The following ARHGAP22 variants were observed in gnomAD, a reference collection of about 807,000 sequenced individuals.
ARHGAP22 encodes rho GTPase-activating protein 22.
Under a neutral mutation model 59.1 loss-of-function variants are expected in ARHGAP22, and 48 were observed. The observed-to-expected ratio is 0.81, with a 90% confidence interval of 0.64 to 1.03. The LOEUF is 1.03. Ranked by LOEUF, ARHGAP22 falls within the 50% of genes least tolerant of loss-of-function variation. The pLI, the probability that ARHGAP22 is intolerant of heterozygous loss-of-function variation, is 0.00. For synonymous variants in ARHGAP22, 445 were observed against 416.4 expected (o/e 1.07, Z -0.84); for missense variants, 1,015 against 958.7 (o/e 1.06, Z -0.78).
At chr10:48,430,115 A>T in the ARHGAP22 span, 1 of 152,232 alleles carries the variant, frequency 6.6e-6, no homozygotes, top group Non-Finnish European at 1.5e-5. Context: ...TGTTGTTGAG[A>T]TGGAGCCTTG....
intron 1 of ARHGAP22, among the ~76,000 whole-genome samples, chr10:48,589,606 C>T (rs1346820622): frequency 6.6e-6 from 1 of 152,216 alleles, no homozygotes; most frequent in Non-Finnish European, 1.5e-5. Context: ...GCAGACTTAA[C>T]AGCTTGGACT....
chr10:48,475,363 G>A (rs925352433), intron 4 of ARHGAP22, among the ~76,000 whole-genome samples: 10 of 152,124 alleles, frequency 6.6e-5, no homozygotes, highest in Non-Finnish European at 5.9e-5. Context: ...TCTATGTGCT[G>A]ATGGCCCCCT....
chr10:48,505,841 A>C (rs983487497), intron 3 of ARHGAP22, among the ~76,000 whole-genome samples: 1 of 152,202 alleles, frequency 6.6e-6, no homozygotes, highest in Non-Finnish European at 1.5e-5. Context: ...GCTGCAGCCC[A>C]AGGGAAAGTG....
chr10:48,530,260 A>AAAAAAC (rs2054707723), intron 3 of ARHGAP22, among the ~76,000 whole-genome samples: 1 of 149,886 alleles, frequency 6.7e-6, no homozygotes, highest in Non-Finnish European at 1.5e-5. Flanking sequence ...AAAAAAAAAA[A>AAAAAAC]ATCAACTCAA....
chr10:48,502,027 T>C (rs995639899), intron 3 of ARHGAP22, among the ~76,000 whole-genome samples: 9 of 152,214 alleles, frequency 5.9e-5, no homozygotes, highest in African/African-American at 2.2e-4. Flanking sequence ...TTTATTTTCA[T>C]TGCTGAGAGA....
At chr10:48,569,721 C>T (rs2058279362) in intron 2 of ARHGAP22, among the ~76,000 whole-genome samples, 1 of 152,212 alleles carries the variant, frequency 6.6e-6, no homozygotes, top group Non-Finnish European at 1.5e-5. Flanking sequence ...CTCATTACTA[C>T]CGGTAACACT....
chr10:48,455,850 G>A (rs1035486012), intron 5 of ARHGAP22, among the ~76,000 whole-genome samples: 1 of 152,214 alleles, frequency 6.6e-6, no homozygotes, highest in Non-Finnish European at 1.5e-5. Flanking sequence ...GCAGGAGCAG[G>A]TCGGAGGTCA....
At chr10:48,471,936 C>T (rs1243298888) in intron 4 of ARHGAP22, among the ~76,000 whole-genome samples, 3 of 152,138 alleles carry the variant, frequency 2.0e-5, no homozygotes, top group Non-Finnish European at 2.9e-5. Context: ...GGGCCAGGTG[C>T]GGTGGCTCAC....
chr10:48,466,877 C>T (rs2133903074), intron 4 of ARHGAP22, among the ~76,000 whole-genome samples: 1 of 152,338 alleles, frequency 6.6e-6, no homozygotes, highest in Non-Finnish European at 1.5e-5. Flanking sequence ...AAACTTCACA[C>T]CCTTTCCCCT....
At chr10:48,612,341 G>A (rs1390629130) in intron 1 of ARHGAP22, among the ~76,000 whole-genome samples, 3 of 152,120 alleles carry the variant, frequency 2.0e-5, no homozygotes, top group Admixed American at 6.5e-5. Flanking sequence ...CTCCCTCTTC[G>A]GAAGCTACAA....
At chr10:48,524,072 TC>T in intron 3 of ARHGAP22, 2 of 1,474,018 alleles carry the variant, frequency 1.4e-6, no homozygotes, top group Non-Finnish European at 9.0e-7. Context: ...CTCGCAGGTG[TC>T]CCCTCCAGTC....
At chr10:48,449,519 T>A (rs1469483741) in intron 9 of ARHGAP22, among the ~76,000 whole-genome samples, 1 of 152,138 alleles carries the variant, frequency 6.6e-6, no homozygotes, top group Non-Finnish European at 1.5e-5. Flanking sequence ...CTCTAATGGA[T>A]AAAGGAATTC....
intron 2 of ARHGAP22, among the ~76,000 whole-genome samples, chr10:48,577,615 T>A (rs2058803082): frequency 6.6e-6 from 1 of 152,072 alleles, no homozygotes; most frequent in South Asian, 2.1e-4. Context: ...TGCACACTGA[T>A]GTTCACCCAA....
intron 3 of ARHGAP22, among the ~76,000 whole-genome samples, chr10:48,553,047 G>C (rs1050644466): frequency 1.3e-5 from 2 of 152,210 alleles, no homozygotes; most frequent in Non-Finnish European, 2.9e-5. Context: ...CATGAGCTTC[G>C]AGTGCAGCCT....
intron 1 of ARHGAP22, among the ~76,000 whole-genome samples, chr10:48,599,785 C>T (rs2060274811): frequency 1.3e-5 from 2 of 152,190 alleles, no homozygotes; most frequent in South Asian, 4.1e-4. Flanking sequence ...CTGGGACAGG[C>T]CAGCACAGAG....
chr10:48,596,566 A>G (rs2060079264), intron 1 of ARHGAP22, among the ~76,000 whole-genome samples: 1 of 152,202 alleles, frequency 6.6e-6, no homozygotes. Flanking sequence ...GGGTGAGTCC[A>G]GACCAGGAAG....
At chr10:48,509,342 G>A (rs1340574353) in intron 3 of ARHGAP22, among the ~76,000 whole-genome samples, 1 of 152,220 alleles carries the variant, frequency 6.6e-6, no homozygotes, top group Non-Finnish European at 1.5e-5. Context: ...CCAGTCAGTG[G>A]AGCAGAGGGG....
intron 3 of ARHGAP22, among the ~76,000 whole-genome samples, chr10:48,499,275 G>A (rs528120447): frequency 3.5e-4 from 53 of 152,352 alleles, no homozygotes; most frequent in African/African-American, 1.3e-3. Context: ...TACAGATGGC[G>A]TGAGAGCCAC....
intron 3 of ARHGAP22, among the ~76,000 whole-genome samples, chr10:48,508,586 A>T (rs1040724281): frequency 6.6e-6 from 1 of 152,204 alleles, no homozygotes; most frequent in African/African-American, 2.4e-5. Flanking sequence ...ATGGGTAGGG[A>T]TCCATGGGAA....
Sources: gnomAD v4.1 joint callset for allele counts (sites outside exome capture counted in the v4.1 genomes callset) on GRCh38, gnomAD v4.1.1 for gene constraint, MANE v1.5 for transcripts, NCBI Gene and HGNC (gene_info 2026-07-23, HGNC 2026-07-21) for gene names.